The following APBB2 variants were observed in gnomAD, a reference collection of about 807,000 sequenced individuals.
APBB2 encodes Fe65-like 1.
A neutral mutation model predicts 82.5 loss-of-function variants in APBB2; 38 were observed. The observed-to-expected ratio is 0.46, with a 90% CI of 0.36 to 0.60. APBB2 has a LOEUF of 0.60. APBB2 is among the 20% of genes least tolerant of loss of function. The pLI, the probability that APBB2 is intolerant of heterozygous loss-of-function variation, is 0.00. For synonymous variants in APBB2, 341 were observed against 368.2 expected (o/e 0.93, Z 0.85); for missense variants, 772 against 972.3 (o/e 0.79, Z 2.74).
At chr4:40,997,649 A>C (rs1256506284) in intron 6 of APBB2, among the ~76,000 whole-genome samples, 2 of 152,210 alleles carry the variant, frequency 1.3e-5, no homozygotes, top group Admixed American at 6.5e-5. Context: ...AGCTATTTTC[A>C]TAACACTCAG....
At chr4:40,911,222 C>T (rs1011076354) in intron 10 of APBB2, among the ~76,000 whole-genome samples, 8 of 152,152 alleles carry the variant, frequency 5.3e-5, no homozygotes, top group Non-Finnish European at 1.2e-4. Context: ...GTTGACTTCT[C>T]GAATCCGTGG....
intron 12 of APBB2, among the ~76,000 whole-genome samples, chr4:40,848,572 T>C (rs901729081): frequency 1.3e-5 from 2 of 152,190 alleles, no homozygotes; most frequent in African/African-American, 4.8e-5. Flanking sequence ...TCTGTCCCCA[T>C]TGGACTTTTG....
chr4:40,891,377 T>C (rs1771981818), intron 11 of APBB2, among the ~76,000 whole-genome samples: 2 of 152,154 alleles, frequency 1.3e-5, no homozygotes, highest in Admixed American at 1.3e-4. Context: ...AAACATCTGT[T>C]GCACAGCTGA....
chr4:40,977,318 G>T (rs953059312), intron 6 of APBB2, among the ~76,000 whole-genome samples: 3 of 145,294 alleles, frequency 2.1e-5, no homozygotes, highest in East Asian at 2.0e-4. Context: ...CAATATAGTT[G>T]TTTTTTTTTT....
Position 41,020,471 on chromosome 4 carries a change from C to G in APBB2, c.20-6073G>C, listed in dbSNP as rs547571377. Among the ~76,000 whole-genome samples, 33 of 152,262 alleles carry G rather than the reference C, an allele frequency of 2.2e-4. 1 individual carries two copies. Among genetic ancestry groups the G allele is most frequent in the African/African-American group, 7.2e-4 (30 of 41,548 alleles). ...TGCCTAATAATTGGTCTGCTCAAAC[C>G]AGTGCCAGCTGTTTGCACTCAGCCA... On this transcript the variant is annotated intron_variant, in intron 5 of 17. Transcript: ENST00000508593.
chr4:41,013,548 A>AAGGG, intron 6 of APBB2, 35 bp downstream of exon 6: 1 of 1,548,332 alleles, frequency 6.5e-7, no homozygotes, highest in Non-Finnish European at 8.8e-7. Flanking sequence ...AAAAAAAAAA[A>AAGGG]GTGCCAGCTG....
intron 7 of APBB2, chr4:40,935,403 T>A (rs932524820): frequency 6.5e-5 from 29 of 442,826 alleles, no homozygotes; most frequent in African/African-American, 5.3e-4. Flanking sequence ...ACAGTGAAGT[T>A]ATTTCCTTAA....
rs760669581 is a variant in APBB2, at chr4:40,830,608, T to A, written c.1530-31A>T. ...CAAGCAAAATGTATCAGTCCATTAG[T>A]AAGAGAAGCTGATTACCAACACATA... On this transcript the variant is annotated intron_variant, in intron 12 of 17. Coordinates refer to ENST00000508593, the MANE Select transcript of APBB2 (RefSeq NM_004307.2). The A allele has an allele frequency of 1.1e-5, 15 of 1,340,362 alleles. No individual in the cohort carries two copies. In the South Asian group the frequency reaches 1.5e-4, roughly 14 times the overall value. The allele number at this position is 1,340,362 out of a possible 1,614,324, so 83.0% of individuals were successfully genotyped here. A position where few individuals can be genotyped will look rare whatever the true frequency, so the allele number is the denominator to read the frequency against.
intron 10 of APBB2, among the ~76,000 whole-genome samples, chr4:40,922,943 T>C (rs968125089): frequency 1.3e-5 from 2 of 148,864 alleles, no homozygotes; most frequent in Non-Finnish European, 3.0e-5. Flanking sequence ...CTAATTGTTC[T>C]GTAGGAAAAA....
At chr4:41,033,095 T>G in intron 5 of APBB2, 141 bp downstream of exon 5, 3 of 697,044 alleles carry the variant, frequency 4.3e-6, no homozygotes, top group South Asian at 3.5e-5. Context: ...GATTCATTTT[T>G]CTATTACATT....
At chr4:40,953,442 G>T (rs1232764194) in intron 6 of APBB2, among the ~76,000 whole-genome samples, 1 of 151,988 alleles carries the variant, frequency 6.6e-6, no homozygotes, top group African/African-American at 2.4e-5. Flanking sequence ...CAGCTGGCTT[G>T]ACCATGGTCA....
intron 6 of APBB2, among the ~76,000 whole-genome samples, chr4:40,979,450 T>C (rs1797959456): frequency 6.6e-6 from 1 of 152,238 alleles, no homozygotes; most frequent in African/African-American, 2.4e-5. Context: ...TATTTACTTA[T>C]TTTTATCTCT....
At chr4:41,162,771 C>A (rs1765505276) in intron 1 of APBB2, among the ~76,000 whole-genome samples, 1 of 152,150 alleles carries the variant, frequency 6.6e-6, no homozygotes, top group Non-Finnish European at 1.5e-5. Context: ...GGGAGGACGG[C>A]TTGCTGGATC....
chr4:41,008,063 CT>C (rs1560511116), intron 6 of APBB2, among the ~76,000 whole-genome samples: 2 of 152,226 alleles, frequency 1.3e-5, no homozygotes, highest in Non-Finnish European at 1.5e-5. Context: ...GAAAGATCCC[CT>C]AAAATATAAT....
At chr4:41,160,026 GAAGAAGAAGAAA>G (rs1479323150) in intron 1 of APBB2, among the ~76,000 whole-genome samples, 38 of 146,852 alleles carry the variant, frequency 2.6e-4, no homozygotes, top group African/African-American at 9.8e-4. Context: ...AGAAGAAGAA[GAAGAAGAAGAAA>G]ACATCACAGG....
intron 12 of APBB2, among the ~76,000 whole-genome samples, chr4:40,885,334 C>T (rs937711667): frequency 3.9e-5 from 6 of 152,110 alleles, no homozygotes; most frequent in East Asian, 1.9e-4. Flanking sequence ...GAAAATTAAG[C>T]GGGGAAGGGA....
At chr4:41,173,659 A>T (rs1768954795) in intron 1 of APBB2, among the ~76,000 whole-genome samples, 1 of 152,204 alleles carries the variant, frequency 6.6e-6, no homozygotes, top group Non-Finnish European at 1.5e-5. Context: ...ATGTTTAGAT[A>T]CACAAATACT....
chr4:40,846,574 C>T (rs1026148028), intron 12 of APBB2, among the ~76,000 whole-genome samples: 2 of 152,142 alleles, frequency 1.3e-5, no homozygotes, highest in Admixed American at 1.3e-4. Flanking sequence ...CAGGATCAAC[C>T]GGTGACATGA....
At chr4:40,996,778 A>C (rs1169167925) in intron 6 of APBB2, among the ~76,000 whole-genome samples, 1 of 152,078 alleles carries the variant, frequency 6.6e-6, no homozygotes, top group African/African-American at 2.4e-5. Context: ...AAAACTACTA[A>C]TCTTGTCCAG....
Sources: allele counts gnomAD v4.1 joint callset (sites outside exome capture counted in the v4.1 genomes callset), GRCh38; gene constraint gnomAD v4.1.1; transcripts MANE v1.5; gene names NCBI Gene and HGNC (gene_info 2026-07-23, HGNC 2026-07-21).